The following MBTPS1 variants were observed in gnomAD, a reference collection of about 807,000 sequenced individuals.
MBTPS1 encodes membrane-bound transcription factor site-1 protease.
Under a neutral mutation model 127.8 loss-of-function variants are expected in MBTPS1, and 94 were observed. The ratio of observed to expected loss-of-function variants is 0.74; its 90% CI spans 0.62 to 0.87. The LOEUF (loss-of-function observed/expected upper bound fraction) is 0.87. Among genes scored for constraint, MBTPS1 ranks in the 40% least tolerant of loss-of-function variants. The probability of loss-of-function intolerance (pLI) is 0.00; values close to 1 mark genes in which losing one functional copy is unlikely to be tolerated. For missense variants in MBTPS1, 1,636 were observed against 1,353.2 expected, an observed-to-expected ratio of 1.21 and a Z score of -3.28; for synonymous variants, 632 against 509.4, an observed-to-expected ratio of 1.24 and a Z score of -3.24.
chr16:84,109,305 T>A (rs2086367391), intron 1 of MBTPS1, among the ~76,000 whole-genome samples: 1 of 152,158 alleles, frequency 6.6e-6, no homozygotes, highest in African/African-American at 2.4e-5. Context: ...AGCATCACGA[T>A]AAATAATAAC....
At position 84,055,979 on chromosome 16, in the gene MBTPS1, C is replaced by G. The variant is rs200096914; in HGVS notation, c.2962+26G>C. ...GAACAAAATACAGGATGACTGAGCACAATCACAAAGCAGCCGAGAACTCAC... is the reference window on the plus strand; with the variant it reads ...GAACAAAATACAGGATGACTGAGCAGAATCACAAAGCAGCCGAGAACTCAC... On this transcript the variant is annotated intron_variant, in intron 22 of 22. Coordinates refer to ENST00000343411, the MANE Select transcript of MBTPS1 (RefSeq NM_003791.4). 5.3e-5 allele frequency: 85 copies of G among 1,601,608 alleles called. No individual in the cohort carries two copies. In the African/African-American group the frequency reaches 1.1e-3, roughly 21 times the overall value.
Position 84,114,797 on chromosome 16 carries a change from C to G in MBTPS1, c.-325+1938G>C, listed in dbSNP as rs534836150. Among the ~76,000 whole-genome samples the G allele has an allele frequency of 4.2e-5, 6 of 141,976 alleles. No individual in the cohort carries two copies. The South Asian group carries it at 1.1e-3, about 27-fold the overall frequency. 93.1% of individuals were successfully genotyped at this position (141,976 alleles called of 152,430 possible). ...GTGAGCCGAGATCCACCACTGCACT[C>G]CAGCCTGGGCGACAGAGCGAGACTC... On this transcript the variant is annotated intron_variant, in intron 1 of 22. Coordinates refer to ENST00000343411, the MANE Select transcript of MBTPS1 (RefSeq NM_003791.4).
chr16:84,079,109 G>T (rs1466477374), intron 11 of MBTPS1, among the ~76,000 whole-genome samples: 1 of 152,184 alleles, frequency 6.6e-6, no homozygotes, highest in African/African-American at 2.4e-5. Flanking sequence ...GTGTTTAACA[G>T]TCTGGGACCT....
chr16:84,081,988 G>A (rs985770929), intron 10 of MBTPS1, 80 bp from the exon 11 acceptor site: 3 of 1,080,388 alleles, frequency 2.8e-6, no homozygotes, highest in South Asian at 5.7e-5. Flanking sequence ...ACCTACAAAC[G>A]TGCACACAAG....
intron 21 of MBTPS1, chr16:84,057,154 G>A (rs1416112300): frequency 2.6e-5 from 4 of 152,200 alleles, no homozygotes; most frequent in Non-Finnish European, 4.4e-5. Flanking sequence ...GCAAGAGAGA[G>A]ACTCCCACTC....
At chr16:84,072,482 G>A (rs987244233) in intron 12 of MBTPS1, among the ~76,000 whole-genome samples, 3 of 152,106 alleles carry the variant, frequency 2.0e-5, no homozygotes, top group African/African-American at 7.2e-5. Flanking sequence ...AACACTAATG[G>A]AATAAAAACA....
intron 8 of MBTPS1, among the ~76,000 whole-genome samples, chr16:84,090,565 T>A (rs1265030756): frequency 7.2e-5 from 11 of 152,220 alleles, no homozygotes; most frequent in Non-Finnish European, 1.3e-4. Flanking sequence ...CTTTTCTGAT[T>A]GATTTTTGGG....
intron 2 of MBTPS1, among the ~76,000 whole-genome samples, chr16:84,100,726 T>C (rs921667166): frequency 6.6e-6 from 1 of 151,880 alleles, no homozygotes; most frequent in Non-Finnish European, 1.5e-5. Flanking sequence ...AAACTCTGTC[T>C]CCAAAAGAAA....
intron 11 of MBTPS1, among the ~76,000 whole-genome samples, chr16:84,081,201 T>C (rs954312346): frequency 3.9e-5 from 6 of 152,224 alleles, no homozygotes; most frequent in Admixed American, 3.9e-4. Context: ...GGGGTTCTCA[T>C]GAACTATTTG....
intron 11 of MBTPS1, among the ~76,000 whole-genome samples, chr16:84,077,739 C>G (rs2085882010): frequency 6.6e-6 from 1 of 152,086 alleles, no homozygotes; most frequent in African/African-American, 2.4e-5. Flanking sequence ...TGAAGAGTAA[C>G]AAATGTGACT....
At chr16:84,102,960 C>T (rs1382376806) in intron 1 of MBTPS1, among the ~76,000 whole-genome samples, 4 of 152,166 alleles carry the variant, frequency 2.6e-5, no homozygotes, top group Admixed American at 6.5e-5. Flanking sequence ...TATCTCTTTA[C>T]TGGAGTGACA....
intron 11 of MBTPS1, among the ~76,000 whole-genome samples, chr16:84,076,492 G>T (rs1052954791): frequency 6.6e-6 from 1 of 152,190 alleles, no homozygotes; most frequent in Non-Finnish European, 1.5e-5. Flanking sequence ...TGGCAAGGAA[G>T]ATGTAAAACT....
In MBTPS1 at chr16:84,095,623, G is replaced by C. The variant is rs762061719; in HGVS notation, c.604C>G (p.Leu202Val). The stretch of plus-strand genomic sequence containing the variant: ...ACACCTGTATATCCCATCTGCCAGA[G>C]CACATCTGCCTGCAGTGTCTGGGCA... ...QVAQTLQADV[L>V]WQMGYTGANV... Residue 202 changes from leucine to valine, a missense_variant, in exon 4 of 23, where the codon CTC becomes GTC. Leu to Val is a conservative substitution (Grantham distance 32, BLOSUM62 1). Transcript: ENST00000343411. 130 of 1,614,070 alleles carry C rather than the reference G, an allele frequency of 8.1e-5. No homozygotes were observed. The Admixed American group carries it at 1.9e-3, about 23-fold the overall frequency.
chr16:84,059,290 G>A lies in MBTPS1; in HGVS notation c.2831+12C>T, dbSNP rs1037519414. On this transcript the variant is annotated intron_variant, in intron 21 of 22. Transcript: ENST00000343411. ...CCGTGGAAAGAGTGGAAGGGCACAG[G>A]CGGACACTAACCTGGGCGCCGTCTC... The A allele has an allele frequency of 3.7e-6, 6 of 1,611,566 alleles. No individual in the cohort carries two copies. In the Admixed American group the frequency reaches 6.7e-5, roughly 18 times the overall value.
intron 11 of MBTPS1, 131 bp downstream of exon 11, chr16:84,081,616 C>A: frequency 1.4e-6 from 1 of 704,630 alleles, no homozygotes; most frequent in Non-Finnish European, 2.1e-6. Flanking sequence ...AGCAAAACCT[C>A]TCCAAGCACC....
intron 1 of MBTPS1, chr16:84,109,544 C>G (rs1036934805): frequency 6.6e-6 from 1 of 152,138 alleles, no homozygotes; most frequent in African/African-American, 2.4e-5. Context: ...TGAGAAGAGC[C>G]GGCATCACTT....
chr16:84,097,145 G>C (rs981780660), intron 3 of MBTPS1, among the ~76,000 whole-genome samples: 4 of 152,150 alleles, frequency 2.6e-5, no homozygotes, highest in African/African-American at 9.7e-5. Context: ...CTGTCACGCA[G>C]AAAACAGATA....
intron 8 of MBTPS1, 114 bp downstream of exon 8, chr16:84,090,761 A>G: frequency 1.3e-6 from 1 of 769,734 alleles, no homozygotes; most frequent in South Asian, 1.6e-5. Context: ...CCTTAAGACA[A>G]GTTTTAGACA....
intron 3 of MBTPS1, among the ~76,000 whole-genome samples, chr16:84,097,191 G>A (rs996682180): frequency 6.6e-6 from 1 of 152,178 alleles, no homozygotes; most frequent in African/African-American, 2.4e-5. Context: ...AGAACCAAAT[G>A]GGTGGGATGC....
Sources: gnomAD v4.1 joint callset for allele counts (sites outside exome capture counted in the v4.1 genomes callset) on GRCh38, gnomAD v4.1.1 for gene constraint, MANE v1.5 for transcripts, NCBI Gene and HGNC (gene_info 2026-07-23, HGNC 2026-07-21) for gene names.